PRKN: variants seen among roughly 807,000 people sequenced by gnomAD.
PRKN encodes E3 ubiquitin-protein ligase parkin.
In PRKN, 56 loss-of-function variants were observed where a neutral mutation model predicts 59.5. The observed-to-expected ratio is 0.94, with a 90% CI of 0.76 to 1.18. The LOEUF (loss-of-function observed/expected upper bound fraction) is 1.18. Among genes scored for constraint, PRKN ranks in the 50% most tolerant of loss-of-function variants. The pLI is 0.00. For missense variants in PRKN, 657 were observed against 596.4 expected (o/e 1.10, Z -1.06); for synonymous variants, 250 against 222.1 (o/e 1.13, Z -1.12).
At chr6:161,570,146 A>AAAATATATATAT (rs869285771) in intron 7 of PRKN, among the ~76,000 whole-genome samples, 1 of 76,610 alleles carries the variant, frequency 1.3e-5, no homozygotes, top group African/African-American at 6.8e-5. Context: ...AAAAAAAAAA[A>AAAATATATATAT]ATATATATAT....
chr6:162,342,131 G>A (rs754457166), intron 2 of PRKN, among the ~76,000 whole-genome samples: 10 of 152,090 alleles, frequency 6.6e-5, no homozygotes, highest in Non-Finnish European at 1.5e-4. Context: ...ACTTGGCCTT[G>A]TTCTTTAGTT....
At chr6:162,065,783 A>G (rs1778313706) in intron 4 of PRKN, among the ~76,000 whole-genome samples, 1 of 151,876 alleles carries the variant, frequency 6.6e-6, no homozygotes, top group Non-Finnish European at 1.5e-5. Flanking sequence ...AAGTCATCTC[A>G]TTGTTCAATT....
At chr6:162,266,734 G>C (rs1018155162) in intron 2 of PRKN, among the ~76,000 whole-genome samples, 13 of 152,100 alleles carry the variant, frequency 8.5e-5, no homozygotes, top group Non-Finnish European at 1.9e-4. Context: ...CTGTTTTGAA[G>C]ATTTAAGGAA....
chr6:162,385,268 C>T (rs1786741481), intron 2 of PRKN, among the ~76,000 whole-genome samples: 2 of 152,106 alleles, frequency 1.3e-5, no homozygotes, highest in African/African-American at 4.8e-5. Flanking sequence ...AACATAAACA[C>T]ACCAGTTATC....
rs1360994678 is a variant in PRKN at position 161,504,968 on chromosome 6, A to T, written c.1083+43886T>A. ...GTTCCAAGTCTTTGCTATTGTGAAT[A>T]GTGCTGCAATAAACATACGTGTGCA... On this transcript the variant is annotated intron_variant, in intron 9 of 11. Coordinates refer to ENST00000366898, the MANE Select transcript of PRKN (RefSeq NM_004562.3). 3.4e-5 allele frequency among the ~76,000 whole-genome samples: 5 copies of T among 145,748 alleles called. No individual in the cohort carries two copies. In the East Asian group the frequency reaches 1.0e-3, roughly 29 times the overall value.
At chr6:162,654,324 A>G in intron 1 of PRKN, among the ~76,000 whole-genome samples, 1 of 152,210 alleles carries the variant, frequency 6.6e-6, no homozygotes, top group South Asian at 2.1e-4. Context: ...GCATATTACC[A>G]GTATCCCCAT....
chr6:161,713,898 T>A (rs1475541751), intron 7 of PRKN, among the ~76,000 whole-genome samples: 1 of 152,146 alleles, frequency 6.6e-6, no homozygotes, highest in Non-Finnish European at 1.5e-5. Flanking sequence ...TCATGAGATC[T>A]GATGGTTCTA....
intron 3 of PRKN, among the ~76,000 whole-genome samples, chr6:162,203,026 A>T (rs982228874): frequency 1.3e-5 from 2 of 152,178 alleles, no homozygotes; most frequent in African/African-American, 4.8e-5. Context: ...TTGAAAGGGG[A>T]GTCAGGGCTG....
intron 1 of PRKN, among the ~76,000 whole-genome samples, chr6:162,663,407 GAA>G (rs879312066): frequency 4.4e-5 from 6 of 135,716 alleles, no homozygotes; most frequent in Admixed American, 7.4e-5. Context: ...AACTGAACAG[GAA>G]AAAAAAAAAA....
chr6:161,446,339 G>A lies in PRKN; in HGVS notation c.1084-59462C>T, dbSNP rs763253283. On this transcript the variant is annotated intron_variant, in intron 9 of 11. Coordinates refer to ENST00000366898, the MANE Select transcript of PRKN (RefSeq NM_004562.3). This position sits in a 1 kb window ranked among gnomAD's most constrained non-coding sequence, Gnocchi z 6.2. ...GCTTGTAGGCCTTTGGGGAGGTTTC[G>A]AGGTCCAAGTGTGACTTAGAGGAAC... Among the ~76,000 whole-genome samples the A allele has an allele frequency of 1.3e-5, 2 of 152,118 alleles. No homozygotes were observed. Among genetic ancestry groups the A allele is most frequent in the Non-Finnish European group, 2.9e-5 (2 of 68,024 alleles).
intron 4 of PRKN, among the ~76,000 whole-genome samples, chr6:162,151,792 A>G (rs1782282384): frequency 6.6e-6 from 1 of 152,208 alleles, no homozygotes; most frequent in Admixed American, 6.5e-5. Flanking sequence ...CGGAGGACAT[A>G]AGGTAATAAT....
chr6:161,521,373 T>C (rs510849), intron 9 of PRKN, among the ~76,000 whole-genome samples: 101,824 of 152,144 alleles, frequency 0.67, 34,074 homozygotes, highest in Middle Eastern at 0.73. Context: ...AAGCATAAAA[T>C]TAGGATAGAA....
rs200757325 is a variant in PRKN, at chr6:162,639,203, A to G, written c.7+88459T>C. ...ATGCTTATCCCTAACAAGTATGCTT[A>G]TTCCTTAGGATTCTCCACAGTCAAT... is the stretch of plus-strand genomic sequence containing the variant. On this transcript the variant is annotated intron_variant, in intron 1 of 11. Coordinates refer to ENST00000366898, the MANE Select transcript of PRKN (RefSeq NM_004562.3). Among the ~76,000 whole-genome samples, 35 of 152,276 alleles carry G rather than the reference A, an allele frequency of 2.3e-4. No homozygotes were observed. In the East Asian group the frequency reaches 4.6e-3, roughly 20 times the overall value.
intron 1 of PRKN, among the ~76,000 whole-genome samples, chr6:162,605,564 T>C (rs368734986): frequency 1.5e-4 from 23 of 152,278 alleles, no homozygotes; most frequent in African/African-American, 4.3e-4. Context: ...GTGTAAGTGA[T>C]TTTTAATAGG....
At chr6:162,455,942 T>C (rs1055265596) in intron 1 of PRKN, among the ~76,000 whole-genome samples, 2 of 152,138 alleles carry the variant, frequency 1.3e-5, no homozygotes, top group African/African-American at 4.8e-5. Flanking sequence ...ATATATTTGA[T>C]ACATTTCCTA....
intron 7 of PRKN, among the ~76,000 whole-genome samples, chr6:161,771,122 C>T (rs1193610455): frequency 6.6e-6 from 1 of 151,760 alleles, no homozygotes; most frequent in Non-Finnish European, 1.5e-5. Context: ...TTTGGGAGGC[C>T]GAGGTGGGCG....
rs569848471 is a variant in PRKN at position 161,405,359 on chromosome 6, A to G, written c.1084-18482T>C. 2.6e-5 allele frequency among the ~76,000 whole-genome samples: 4 copies of G among 152,034 alleles called. No individual in the cohort carries two copies. In the South Asian group the frequency reaches 8.3e-4, roughly 32 times the overall value. On this transcript the variant is annotated intron_variant, in intron 9 of 11. Coordinates refer to ENST00000366898, the MANE Select transcript of PRKN (RefSeq NM_004562.3). The surrounding 1 kb of genome is among the most constrained non-coding windows in gnomAD (Gnocchi z 5.1). ...TTGGGAGGCTGAGGCAGGTGGATCA[A>G]TTGAGGTCAGGAGTTCGAGACCAGC...
intron 4 of PRKN, among the ~76,000 whole-genome samples, chr6:162,189,834 T>C (rs1049280447): frequency 5.2e-5 from 7 of 135,122 alleles, no homozygotes; most frequent in Admixed American, 1.4e-4. Flanking sequence ...ACAAAGAGCA[T>C]GGTTCTCATT....
Position 161,554,712 on chromosome 6 carries a change from TTG to T in PRKN, c.934-5711_934-5710del, listed in dbSNP as rs35458503. Among the ~76,000 whole-genome samples, 35,538 of 138,210 alleles carry T rather than the reference TTG, an allele frequency of 0.26. 4,841 individuals carry two copies. Among genetic ancestry groups the T allele is most frequent in the East Asian group, 0.6 (2,823 of 4,730 alleles). The allele number at this position is 138,210 out of a possible 152,430, so 90.7% of individuals were successfully genotyped here. A position where few individuals can be genotyped will look rare whatever the true frequency, so the allele number is the denominator to read the frequency against. On this transcript the variant is annotated intron_variant, in intron 8 of 11. Transcript: ENST00000366898. This position sits in a 1 kb window ranked among gnomAD's most constrained non-coding sequence, Gnocchi z 4.5. ...TACAATCCTGATATACATACAGGGA[TTG>T]TGTGTGTGTGTGTGTGTGTGTATAT...
Sources: allele counts gnomAD v4.1 joint callset (sites outside exome capture counted in the v4.1 genomes callset), GRCh38; gene constraint gnomAD v4.1.1; non-coding constraint Gnocchi (gnomAD v3.1); transcripts MANE v1.5; gene names NCBI Gene and HGNC (gene_info 2026-07-23, HGNC 2026-07-21).